TENM2: variants seen among roughly 807,000 people sequenced by gnomAD.
TENM2 encodes the protein teneurin-2.
In TENM2, 52 loss-of-function variants were observed where a neutral mutation model predicts 245.2. The ratio of observed to expected loss-of-function variants is 0.21; its 90% confidence interval spans 0.17 to 0.27. The LOEUF is 0.27. Among genes scored for constraint, TENM2 ranks in the 10% least tolerant of loss-of-function variants. The pLI, the probability that TENM2 is intolerant of heterozygous loss-of-function variation, is 1.00. For missense variants in TENM2, 3,046 were observed against 3,666.8 expected (o/e 0.83, Z 4.37); for synonymous variants, 1,363 against 1,438.9 (o/e 0.95, Z 1.19).
chr5:167,813,157 G>A (rs1265902465), intron 2 of TENM2, among the ~76,000 whole-genome samples: 2 of 152,166 alleles, frequency 1.3e-5, no homozygotes, highest in East Asian at 3.9e-4. Flanking sequence ...GTTTCTTCAT[G>A]AGCAGTGGCT....
At chr5:168,072,940 T>C (rs1044837691) in intron 7 of TENM2, among the ~76,000 whole-genome samples, 2 of 152,126 alleles carry the variant, frequency 1.3e-5, no homozygotes, top group African/African-American at 4.8e-5. Flanking sequence ...GAGACTCTAG[T>C]ATAGACTGCA....
the TENM2 span, among the ~76,000 whole-genome samples, chr5:167,215,630 A>T: frequency 1.3e-5 from 2 of 152,174 alleles, no homozygotes; most frequent in Non-Finnish European, 2.9e-5. Context: ...GAAAGCAATC[A>T]TAGGGGATGT....
chr5:167,005,666 T>G, the TENM2 span, among the ~76,000 whole-genome samples: 1 of 141,270 alleles, frequency 7.1e-6, no homozygotes, highest in African/African-American at 2.6e-5. Context: ...TTTTTTTTTT[T>G]TTTTTTTTTT....
Position 167,310,011 on chromosome 5 carries a change from C to T in TENM2, c.226+24948C>T, listed in dbSNP as rs189650649. The T allele has an allele frequency of 3.4e-4, 52 of 152,250 alleles. 2 individuals carry two copies. Among genetic ancestry groups the T allele is most frequent in the Admixed American group, 3.1e-3 (47 of 15,292 alleles). The allele number at this position is 152,250 out of a possible 1,614,324, so 9.4% of individuals were successfully genotyped here. On this transcript the variant is annotated intron_variant, in intron 1 of 28. Transcript: ENST00000518659. ...CCTGATATTTAAATATATGATTACC[C>T]TTTCTTTATAAGTACTTAGCTGGAA...
At chr5:167,716,934 T>C (rs142538158) in intron 2 of TENM2, among the ~76,000 whole-genome samples, 10 of 127,526 alleles carry the variant, frequency 7.8e-5, no homozygotes, top group African/African-American at 3.6e-4. Context: ...TTATTTTATT[T>C]TATTTTATTC....
At chr5:166,981,899 A>T in the TENM2 span, among the ~76,000 whole-genome samples, 3 of 152,278 alleles carry the variant, frequency 2.0e-5, no homozygotes, top group South Asian at 4.1e-4. Flanking sequence ...ATTACTATTC[A>T]AACAACTGGA....
the TENM2 span, among the ~76,000 whole-genome samples, chr5:167,030,742 A>AG: frequency 6.6e-6 from 1 of 152,136 alleles, no homozygotes; most frequent in Non-Finnish European, 1.5e-5. Flanking sequence ...AGGGGGTGGG[A>AG]GAGTCCCAAG....
chr5:168,238,245 A>G (rs1425964220), intron 25 of TENM2, among the ~76,000 whole-genome samples: 1 of 142,882 alleles, frequency 7.0e-6, no homozygotes, highest in African/African-American at 2.7e-5. Flanking sequence ...AAAAGAAAAG[A>G]AAAGAAAAGA....
chr5:167,050,362 A>T, the TENM2 span, among the ~76,000 whole-genome samples: 1 of 152,282 alleles, frequency 6.6e-6, no homozygotes, highest in African/African-American at 2.4e-5. Flanking sequence ...GTAATGCCTC[A>T]TGATCCGAGG....
At chr5:167,633,366 T>A (rs1420076696) in intron 2 of TENM2, among the ~76,000 whole-genome samples, 1 of 152,032 alleles carries the variant, frequency 6.6e-6, no homozygotes, top group South Asian at 2.1e-4. Context: ...ATGATTAAGG[T>A]TAGAATAGTT....
At chr5:167,229,788 T>G in the TENM2 span, among the ~76,000 whole-genome samples, 1 of 152,070 alleles carries the variant, frequency 6.6e-6, no homozygotes, top group Non-Finnish European at 1.5e-5. Flanking sequence ...CAAGATGGGG[T>G]GAGCCCCAGG....
intron 2 of TENM2, among the ~76,000 whole-genome samples, chr5:167,797,852 GA>G (rs199871596): frequency 2.0e-5 from 3 of 151,302 alleles, no homozygotes; most frequent in African/African-American, 7.3e-5. Flanking sequence ...ACAGCTGCAG[GA>G]AAAAAAAATC....
chr5:167,781,405 A>G (rs748756516), intron 2 of TENM2, among the ~76,000 whole-genome samples: 69 of 152,226 alleles, frequency 4.5e-4, no homozygotes, highest in Non-Finnish European at 8.5e-4. Flanking sequence ...TATTAAGTAA[A>G]TAATAATAAA....
chr5:166,979,185 G>GCACCAC, the TENM2 span, among the ~76,000 whole-genome samples: 9 of 137,874 alleles, frequency 6.5e-5, no homozygotes, highest in African/African-American at 2.3e-4. Context: ...AGCAGCAGCA[G>GCACCAC]CACCACCACC....
intron 2 of TENM2, among the ~76,000 whole-genome samples, chr5:167,801,126 ATATATATATATATATATATATATATATG>A (rs1320860800): frequency 0.026 from 2,370 of 90,438 alleles, 56 homozygotes; most frequent in African/African-American, 0.04. Context: ...ATATATATAT[ATATATATATATATATATATATATATATG>A]TATATATTCC....
chr5:167,874,480 C>T (rs1301243413), intron 2 of TENM2, among the ~76,000 whole-genome samples: 1 of 152,162 alleles, frequency 6.6e-6, no homozygotes, highest in East Asian at 1.9e-4. Flanking sequence ...AGCAGGAACA[C>T]ACATTTCTTC....
the TENM2 span, among the ~76,000 whole-genome samples, chr5:167,074,149 A>G: frequency 2.0e-5 from 3 of 152,230 alleles, no homozygotes; most frequent in Non-Finnish European, 4.4e-5. Flanking sequence ...TGACTTAGCT[A>G]GAACATCAGC....
At chr5:167,628,186 A>G (rs1024452451) in intron 2 of TENM2, among the ~76,000 whole-genome samples, 5 of 152,186 alleles carry the variant, frequency 3.3e-5, no homozygotes, top group Admixed American at 3.3e-4. Context: ...CACTGTATTC[A>G]GGTCTTCAGC....
At chr5:168,211,114 G>A (rs966031228) in intron 19 of TENM2, among the ~76,000 whole-genome samples, 2 of 152,168 alleles carry the variant, frequency 1.3e-5, no homozygotes, top group African/African-American at 4.8e-5. Context: ...AAGTTAAAAG[G>A]AGACAATGAA....
Sources: allele counts gnomAD v4.1 joint callset (sites outside exome capture counted in the v4.1 genomes callset), GRCh38; gene constraint gnomAD v4.1.1; transcripts MANE v1.5; gene names NCBI Gene and HGNC (gene_info 2026-07-23, HGNC 2026-07-21).